Variants in PVT1 observed in about 807,000 individuals in gnomAD.
PVT1 encodes the protein CXCR4/PVT1 fusion.
chr8:127,888,281 T>C (rs1302825457), intron 2 of PVT1, among the ~76,000 whole-genome samples: 1 of 152,184 alleles, frequency 6.6e-6, no homozygotes, highest in African/African-American at 2.4e-5. Context: ...ACTGTTTCCT[T>C]CGTGATTTCT....
intron 2 of PVT1, among the ~76,000 whole-genome samples, chr8:127,878,785 G>A (rs185563576): frequency 6.6e-6 from 1 of 152,340 alleles, no homozygotes; most frequent in Admixed American, 6.5e-5. Context: ...AATACCCACA[G>A]CCTCCCTGGA....
chr8:127,853,959 C>T (rs182648827), intron 2 of PVT1, among the ~76,000 whole-genome samples: 9 of 152,186 alleles, frequency 5.9e-5, no homozygotes, highest in Non-Finnish European at 8.8e-5. Context: ...CTCTGTCCTG[C>T]CCTTTCTGTA....
intron 5 of PVT1, among the ~76,000 whole-genome samples, chr8:128,093,038 A>AAT (rs1485270620): frequency 3.3e-5 from 5 of 152,094 alleles, no homozygotes; most frequent in African/African-American, 1.2e-4. Context: ...CATCTGGAAT[A>AAT]ATATATATAT....
At chr8:127,820,048 C>T (rs916386377) in intron 2 of PVT1, among the ~76,000 whole-genome samples, 4 of 152,108 alleles carry the variant, frequency 2.6e-5, no homozygotes, top group Non-Finnish European at 4.4e-5. Context: ...GAGATGCTCC[C>T]GTGGGACTTG....
intron 4 of PVT1, among the ~76,000 whole-genome samples, chr8:128,036,533 C>T (rs1813464770): frequency 6.6e-6 from 1 of 152,156 alleles, no homozygotes; most frequent in African/African-American, 2.4e-5. Flanking sequence ...GGCAGGGGTG[C>T]CCGAGACCCA....
intron 2 of PVT1, among the ~76,000 whole-genome samples, chr8:127,829,983 G>A (rs550164224): frequency 1.3e-5 from 2 of 152,230 alleles, no homozygotes; most frequent in African/African-American, 4.8e-5. Flanking sequence ...TCTTTACATA[G>A]CCTTCTTCCC....
At chr8:127,796,936 T>A (rs1199812096) in intron 2 of PVT1, among the ~76,000 whole-genome samples, 1 of 143,338 alleles carries the variant, frequency 7.0e-6, no homozygotes, top group African/African-American at 2.5e-5. Flanking sequence ...TGGAGTAAAA[T>A]GGCTGGATTT....
chr8:127,944,673 T>C (rs151007191), intron 3 of PVT1, among the ~76,000 whole-genome samples: 1 of 152,204 alleles, frequency 6.6e-6, no homozygotes, highest in African/African-American at 2.4e-5. Context: ...CTGCAGCTGA[T>C]ACCGAGGAGG....
chr8:128,083,201 G>A (rs367560723), intron 5 of PVT1, among the ~76,000 whole-genome samples: 2 of 152,218 alleles, frequency 1.3e-5, no homozygotes, highest in Admixed American at 6.5e-5. Context: ...AAGGATAATA[G>A]TGATACTGAA....
chr8:127,935,197 C>T (rs1056617867), intron 3 of PVT1, among the ~76,000 whole-genome samples: 1 of 152,102 alleles, frequency 6.6e-6, no homozygotes, highest in Non-Finnish European at 1.5e-5. Context: ...AGCTCCGGAC[C>T]TCAGGTGATC....
At chr8:127,928,737 A>G (rs1048539640) in intron 3 of PVT1, among the ~76,000 whole-genome samples, 22 of 152,188 alleles carry the variant, frequency 1.4e-4, no homozygotes, top group Non-Finnish European at 2.6e-4. Context: ...AAAGGGACAC[A>G]GTGCTGCTCA....
chr8:127,936,178 A>G (rs1816272266), intron 3 of PVT1, among the ~76,000 whole-genome samples: 1 of 151,304 alleles, frequency 6.6e-6, no homozygotes, highest in Non-Finnish European at 1.5e-5. Flanking sequence ...CAGCCTCCCG[A>G]GTAGCTGGGA....
intron 2 of PVT1, among the ~76,000 whole-genome samples, chr8:127,813,246 C>CAAATATATAATATAT (rs1814621593): frequency 7.3e-6 from 1 of 136,888 alleles, no homozygotes; most frequent in Admixed American, 7.5e-5. Flanking sequence ...ATATAATATA[C>CAAATATATAATATAT]AAATATATAT....
intron 5 of PVT1, among the ~76,000 whole-genome samples, chr8:128,075,202 C>T (rs879768727): frequency 2.6e-5 from 4 of 152,066 alleles, no homozygotes; most frequent in Admixed American, 6.5e-5. Flanking sequence ...TTGGATTTCC[C>T]GTGAAACATG....
intron 4 of PVT1, among the ~76,000 whole-genome samples, chr8:128,026,999 G>A (rs1813304552): frequency 6.6e-6 from 1 of 152,146 alleles, no homozygotes; most frequent in Non-Finnish European, 1.5e-5. Context: ...ATCTTCTTGA[G>A]TTCTCTAATG....
chr8:128,035,738 G>C (rs1009017779), intron 4 of PVT1, among the ~76,000 whole-genome samples: 8 of 152,208 alleles, frequency 5.3e-5, no homozygotes, highest in African/African-American at 7.2e-5. Flanking sequence ...TTACTTATTA[G>C]TGGTTCCTTA....
intron 2 of PVT1, among the ~76,000 whole-genome samples, chr8:127,826,490 C>T (rs1469863727): frequency 6.6e-6 from 1 of 152,126 alleles, no homozygotes; most frequent in Non-Finnish European, 1.5e-5. Context: ...TCTTCAGAGT[C>T]AGAAGGGACC....
At chr8:127,984,994 T>TTTCC (rs1202727973) in intron 3 of PVT1, among the ~76,000 whole-genome samples, 12,387 of 67,054 alleles carry the variant, frequency 0.18, 2,298 homozygotes, top group East Asian at 0.36. Context: ...TTTCTTTCTC[T>TTTCC]TTCCTTCCTT....
At chr8:127,985,914 C>T (rs1485598843) in intron 3 of PVT1, among the ~76,000 whole-genome samples, 2 of 152,204 alleles carry the variant, frequency 1.3e-5, no homozygotes, top group African/African-American at 4.8e-5. Context: ...AGGGCTCCTA[C>T]CCTAGCCCTT....
Sources: gnomAD v4.1 joint callset for allele counts (sites outside exome capture counted in the v4.1 genomes callset) on GRCh38, gnomAD v4.1.1 for gene constraint, MANE v1.5 for transcripts, NCBI Gene and HGNC (gene_info 2026-07-23, HGNC 2026-07-21) for gene names.